The following SHANK2 variants were observed in gnomAD, a reference collection of about 807,000 sequenced individuals.
SHANK2 encodes the protein SH3 and multiple ankyrin repeat domains protein 2.
In SHANK2, 43 loss-of-function variants were observed where a neutral mutation model predicts 133.7. The observed-to-expected ratio is 0.32, with a 90% CI of 0.25 to 0.41. The LOEUF is 0.41. SHANK2 is among the 10% of genes least tolerant of loss of function. SHANK2 has a pLI of 1.00. For missense variants in SHANK2, 1,994 were observed against 2,235.8 expected (o/e 0.89, Z 2.18); for synonymous variants, 1,017 against 952.8 (o/e 1.07, Z -1.24).
chr11:71,204,117 G>A (rs577739277), intron 2 of SHANK2, among the ~76,000 whole-genome samples: 1 of 152,212 alleles, frequency 6.6e-6, no homozygotes, highest in African/African-American at 2.4e-5. Context: ...GCCTTGGGGA[G>A]CCCTGAACAC....
At chr11:71,176,844 A>C (rs1953457505) in intron 2 of SHANK2, among the ~76,000 whole-genome samples, 1 of 152,164 alleles carries the variant, frequency 6.6e-6, no homozygotes, top group Non-Finnish European at 1.5e-5. Context: ...GAAAACTATA[A>C]ACTCCCAGCT....
At chr11:70,857,780 C>T (rs1349375628) in intron 11 of SHANK2, among the ~76,000 whole-genome samples, 2 of 152,210 alleles carry the variant, frequency 1.3e-5, no homozygotes, top group African/African-American at 4.8e-5. Context: ...ATCACGAAGA[C>T]ACAATGACCC....
chr11:71,107,037 C>T (rs1452849891), intron 6 of SHANK2, among the ~76,000 whole-genome samples: 1 of 151,992 alleles, frequency 6.6e-6, no homozygotes, highest in African/African-American at 2.4e-5. Context: ...ATCACCTGAA[C>T]CTGGGAGGAT....
At chr11:70,773,212 T>G (rs1947290637) in intron 14 of SHANK2, among the ~76,000 whole-genome samples, 1 of 152,210 alleles carries the variant, frequency 6.6e-6, no homozygotes, top group South Asian at 2.1e-4. Context: ...TACAAGGTGA[T>G]GTCTTGCTGT....
At chr11:70,692,023 C>T (rs558387240) in intron 15 of SHANK2, among the ~76,000 whole-genome samples, 68 of 152,326 alleles carry the variant, frequency 4.5e-4, no homozygotes, top group Non-Finnish European at 8.8e-4. Context: ...AAATTAACTG[C>T]GAGGCCCAGC....
At chr11:70,827,250 C>G (rs1291765252) in intron 11 of SHANK2, among the ~76,000 whole-genome samples, 1 of 129,384 alleles carries the variant, frequency 7.7e-6, no homozygotes, top group Non-Finnish European at 1.6e-5. Flanking sequence ...CAGGACTCCA[C>G]CCCCTCCTAC....
At chr11:70,815,208 A>G (rs1948366453) in intron 12 of SHANK2, among the ~76,000 whole-genome samples, 2 of 133,122 alleles carry the variant, frequency 1.5e-5, no homozygotes, top group African/African-American at 5.3e-5. Context: ...ACACACACAC[A>G]CACACACACA....
chr11:70,502,748 C>T lies in SHANK2; in HGVS notation c.2197+48G>A, dbSNP rs528748469. ...GCTGTCCTGCCCGCCCCCACCCCCC[C>T]CCCCCAGTAGGGCCCCAGGCTGGAG... On this transcript the variant is annotated intron_variant, in intron 18 of 25. Coordinates refer to ENST00000601538, the MANE Select transcript of SHANK2 (RefSeq NM_012309.5). 2.6e-4 allele frequency: 284 copies of T among 1,072,046 alleles called. 8 individuals carry two copies. In the South Asian group the frequency reaches 3.7e-3, roughly 14 times the overall value. 66.4% of individuals were successfully genotyped at this position (1,072,046 alleles called of 1,614,324 possible). A position where few individuals can be genotyped will look rare whatever the true frequency, so the allele number is the denominator to read the frequency against.
At chr11:71,085,787 A>G in intron 8 of SHANK2, among the ~76,000 whole-genome samples, 1 of 74,232 alleles carries the variant, frequency 1.3e-5, no homozygotes, top group Non-Finnish European at 2.3e-5. Flanking sequence ...TATATTATAT[A>G]ATATATGATA....
chr11:70,640,415 G>T (rs1441679044), intron 17 of SHANK2, among the ~76,000 whole-genome samples: 1 of 152,202 alleles, frequency 6.6e-6, no homozygotes, highest in Non-Finnish European at 1.5e-5. Flanking sequence ...GGCTGGGAAG[G>T]ATCCTCCCCT....
intron 2 of SHANK2, among the ~76,000 whole-genome samples, chr11:71,166,441 A>G (rs1370990518): frequency 6.8e-6 from 1 of 148,104 alleles, no homozygotes; most frequent in African/African-American, 2.5e-5. Flanking sequence ...ACAAGACATG[A>G]CTTTTCTTGG....
In SHANK2 at chr11:70,471,624, A is replaced by G. The variant is rs1012547090; in HGVS notation, c.*1245T>C. The G allele has an allele frequency of 2.6e-6, 1 of 386,766 alleles. No individual in the cohort carries two copies. Among genetic ancestry groups the G allele is most frequent in the South Asian group, 1.5e-4 (1 of 6,878 alleles). The allele number at this position is 386,766 out of a possible 1,614,324, so 24.0% of individuals were successfully genotyped here. ...CAACCCTGGGTTCTGTCTATACTCC[A>G]TACCCACTGGGTCCTCAAAGAAGCT... On this transcript the variant is annotated 3_prime_UTR_variant, in exon 26 of 26. Coordinates refer to ENST00000601538, the MANE Select transcript of SHANK2 (RefSeq NM_012309.5). The surrounding 1 kb of genome is among the most constrained non-coding windows in gnomAD (Gnocchi z 4.1).
Position 70,569,297 on chromosome 11 carries a change from G to T in SHANK2, c.2062-66366C>A, listed in dbSNP as rs1481476482. On this transcript the variant is annotated intron_variant, in intron 17 of 25. Coordinates refer to ENST00000601538, the MANE Select transcript of SHANK2 (RefSeq NM_012309.5). This position sits in a 1 kb window ranked among gnomAD's most constrained non-coding sequence, Gnocchi z 5.1. ...AGCCATGCCGCTGGGGTCCTGGGGG[G>T]TCAGGCTCGGGAGCGTCTGGGGTGA... Among the ~76,000 whole-genome samples the T allele has an allele frequency of 6.6e-6, 1 of 152,208 alleles. No homozygotes were observed. Among genetic ancestry groups the T allele is most frequent in the African/African-American group, 2.4e-5 (1 of 41,454 alleles).
At chr11:70,612,646 C>T (rs1258946088) in intron 17 of SHANK2, among the ~76,000 whole-genome samples, 6 of 152,214 alleles carry the variant, frequency 3.9e-5, no homozygotes, top group South Asian at 2.1e-4. Context: ...CAGCGGCCCC[C>T]GGCAGCCACC....
chr11:70,691,232 G>A (rs1945283185), intron 15 of SHANK2, among the ~76,000 whole-genome samples: 1 of 152,146 alleles, frequency 6.6e-6, no homozygotes, highest in Non-Finnish European at 1.5e-5. Context: ...CAAGAGCCAA[G>A]GGGCCAGCCC....
At chr11:71,239,726 C>T (rs781784808) in intron 1 of SHANK2, among the ~76,000 whole-genome samples, 11 of 152,206 alleles carry the variant, frequency 7.2e-5, no homozygotes, top group South Asian at 2.1e-4. Context: ...CTACCCACAT[C>T]GGCCTCCCAG....
At chr11:71,217,110 T>A (rs1954429186) in intron 2 of SHANK2, among the ~76,000 whole-genome samples, 1 of 151,394 alleles carries the variant, frequency 6.6e-6, no homozygotes, top group Non-Finnish European at 1.5e-5. Context: ...GGCAGAAGAA[T>A]CGCTTGAACC....
chr11:70,520,489 G>A (rs2059317142), intron 17 of SHANK2, among the ~76,000 whole-genome samples: 1 of 152,174 alleles, frequency 6.6e-6, no homozygotes, highest in African/African-American at 2.4e-5. Context: ...AGCCATTCCT[G>A]TCACATAGTA....
At chr11:70,568,858 G>A (rs1486025528) in intron 17 of SHANK2, among the ~76,000 whole-genome samples, 1 of 152,148 alleles carries the variant, frequency 6.6e-6, no homozygotes, top group Non-Finnish European at 1.5e-5. Context: ...CTTCCTTTCT[G>A]ACAGAGGACT....
Sources: gnomAD v4.1 joint callset for allele counts (sites outside exome capture counted in the v4.1 genomes callset) on GRCh38, gnomAD v4.1.1 for gene constraint, Gnocchi (gnomAD v3.1) non-coding constraint, MANE v1.5 for transcripts, NCBI Gene and HGNC (gene_info 2026-07-23, HGNC 2026-07-21) for gene names.